Variants in TRIM6 observed in about 807,000 individuals in gnomAD.
TRIM6 encodes the protein tripartite motif containing 6.
Under a neutral mutation model 51.2 loss-of-function variants are expected in TRIM6, and 43 were observed. The ratio of observed to expected loss-of-function variants is 0.84; its 90% CI spans 0.66 to 1.08. The LOEUF (loss-of-function observed/expected upper bound fraction) is 1.08. TRIM6 is among the 50% of genes least tolerant of loss of function. The pLI is 0.00. For synonymous variants in TRIM6, 215 were observed against 232.4 expected (o/e 0.93, Z 0.68); for missense variants, 669 against 619.0 (o/e 1.08, Z -0.86).
rs528234995 is a variant in TRIM6, at chr11:5,609,650, C to T, written c.858-495C>T. Among the ~76,000 whole-genome samples, 34 of 152,278 alleles carry T rather than the reference C, an allele frequency of 2.2e-4. No individual in the cohort carries two copies. The East Asian group carries it at 6.6e-3, about 29-fold the overall frequency. ...TAAGAAGTTAAATCTTGGACAGGCG[C>T]AGTGACTCACACCTGTAATCCCAGC... is the stretch of plus-strand genomic sequence containing the variant. On this transcript the variant is annotated intron_variant, in intron 5 of 7. Coordinates refer to ENST00000380097, the MANE Select transcript of TRIM6 (RefSeq NM_001003818.3).
At chr11:5,602,266 T>C (rs111575779) in intron 1 of TRIM6, among the ~76,000 whole-genome samples, 8,765 of 141,108 alleles carry the variant, frequency 0.062, 364 homozygotes, top group African/African-American at 0.12. Context: ...CAGTGAAACC[T>C]CATCTCTACT....
chr11:5,608,548 A>G (rs1848363319), intron 5 of TRIM6, among the ~76,000 whole-genome samples, 154 bp downstream of exon 5: 2 of 152,064 alleles, frequency 1.3e-5, no homozygotes, highest in African/African-American at 4.8e-5. Flanking sequence ...ATCCCCAAAT[A>G]AAGGGGATGA....
intron 4 of TRIM6, among the ~76,000 whole-genome samples, chr11:5,606,989 G>A (rs1264701919): frequency 2.6e-5 from 4 of 152,122 alleles, no homozygotes; most frequent in South Asian, 4.1e-4. Flanking sequence ...GGATCATGAG[G>A]TCAGGAGATT....
At chr11:5,604,881 A>T in intron 3 of TRIM6, 2 of 467,974 alleles carry the variant, frequency 4.3e-6, no homozygotes, top group South Asian at 6.4e-5. Flanking sequence ...CCAATTCATA[A>T]TTCTGGGTCT....
intron 4 of TRIM6, among the ~76,000 whole-genome samples, chr11:5,607,361 T>C (rs1848288021): frequency 6.6e-6 from 1 of 152,226 alleles, no homozygotes; most frequent in Non-Finnish European, 1.5e-5. Context: ...GGATATTTAC[T>C]GCAAATTGAC....
chr11:5,599,347 G>C (rs935827368), intron 1 of TRIM6, among the ~76,000 whole-genome samples: 32 of 151,352 alleles, frequency 2.1e-4, no homozygotes, highest in African/African-American at 7.3e-4. Context: ...ATTGGAATTG[G>C]ACTTTCAATT....
intron 4 of TRIM6, among the ~76,000 whole-genome samples, chr11:5,605,956 C>G (rs569153011): frequency 7.2e-5 from 11 of 152,178 alleles, no homozygotes; most frequent in Non-Finnish European, 1.3e-4. Flanking sequence ...CTGGCCTCTG[C>G]TCACTAGATG....
At position 5,611,254 on chromosome 11, in the gene TRIM6, C is replaced by G. The variant is rs1281159159; in HGVS notation, c.1463C>G (p.Ser488Cys). The stretch of plus-strand genomic sequence containing the variant: ...CATGGCTTCCCCATCTACACTTTCT[C>G]TAAATATTACTTTCCCACTACTCTT... The part of the protein sequence containing the change: ...TNHGFPIYTF[S>C]KYYFPTTLCP... Residue 488 changes from serine to cysteine, a missense_variant, in exon 8 of 8, where the codon TCT (serine) becomes TGT (cysteine). Coordinates refer to ENST00000380097, the MANE Select transcript of TRIM6 (RefSeq NM_001003818.3). The G allele has an allele frequency of 1.2e-6, 2 of 1,614,052 alleles. No homozygotes were observed. Among genetic ancestry groups the G allele is most frequent in the Admixed American group, 3.3e-5 (2 of 60,012 alleles).
At chr11:5,600,607 T>A (rs893404582) in intron 1 of TRIM6, among the ~76,000 whole-genome samples, 5 of 152,148 alleles carry the variant, frequency 3.3e-5, no homozygotes, top group African/African-American at 9.7e-5. Flanking sequence ...TGGGAGGCAG[T>A]TTGATATACT....
At chr11:5,600,550 T>C (rs1205033953) in intron 1 of TRIM6, among the ~76,000 whole-genome samples, 1 of 152,170 alleles carries the variant, frequency 6.6e-6, no homozygotes, top group East Asian at 1.9e-4. Context: ...CTTACCCTTA[T>C]CTGAGACACT....
At chr11:5,600,061 T>C (rs1470919396) in intron 1 of TRIM6, among the ~76,000 whole-genome samples, 1 of 152,172 alleles carries the variant, frequency 6.6e-6, no homozygotes, top group African/African-American at 2.4e-5. Flanking sequence ...TCTCAGATGA[T>C]AGGTAAATAC....
chr11:5,612,394 T>TAA lies in TRIM6; in HGVS notation c.*1053_*1054dup, dbSNP rs1361246614. The TAA allele has an allele frequency of 6.6e-6, 1 of 151,112 alleles. No individual in the cohort carries two copies. Among genetic ancestry groups the TAA allele is most frequent in the African/African-American group, 2.4e-5 (1 of 41,170 alleles). 9.4% of individuals were successfully genotyped at this position (151,112 alleles called of 1,614,324 possible). On this transcript the variant is annotated 3_prime_UTR_variant, in exon 8 of 8. Transcript: ENST00000380097. ...AACCTTTGGCCTTCCTCTCTACATT[T>TAA]AAGAGTAGCAATAGAACAATAAAAA...
At chr11:5,610,466 A>C (rs745941455) in intron 6 of TRIM6, 69 bp from the exon 7 acceptor site, 2 of 1,611,910 alleles carry the variant, frequency 1.2e-6, no homozygotes, top group Non-Finnish European at 1.7e-6. Context: ...TCAATGTAGT[A>C]AGGAGAGAGA....
In TRIM6 at chr11:5,605,481, G is replaced by A; in HGVS notation, c.748G>A (p.Asp250Asn). ...ACGAATTATAGAAGAGGCTGAGAAT[G>A]ATCTGGTCCACCAGACCCAGTCGCT... ...GLRIIEEAENDLVHQTQSLRE... is the reference protein window; with the variant it reads ...GLRIIEEAENNLVHQTQSLRE... The change falls in exon 4 of 8, where the codon GAT becomes AAT. Residue 250 changes from aspartate to asparagine, a missense_variant. Physicochemically the swap from Asp to Asn is conservative, Grantham distance 23. Transcript: ENST00000380097. The A allele has an allele frequency of 6.2e-7, 1 of 1,614,226 alleles. No homozygotes were observed. Among genetic ancestry groups the A allele is most frequent in the South Asian group, 1.1e-5 (1 of 91,090 alleles).
At chr11:5,602,379 C>T (rs1310966288) in intron 1 of TRIM6, among the ~76,000 whole-genome samples, 4 of 150,080 alleles carry the variant, frequency 2.7e-5, no homozygotes, top group African/African-American at 9.7e-5. Context: ...GGAGGCGGAG[C>T]TTGCAGTGAG....
At chr11:5,601,123 A>G (rs1847817624) in intron 1 of TRIM6, among the ~76,000 whole-genome samples, 1 of 152,180 alleles carries the variant, frequency 6.6e-6, no homozygotes, top group African/African-American at 2.4e-5. Flanking sequence ...GAAGTTTAAG[A>G]CAGGCCCTGG....
In TRIM6 at chr11:5,611,016, T is replaced by G. The variant is rs1403731519; in HGVS notation, c.1225T>G (p.Ser409Ala). 1 of 1,614,054 alleles carries G rather than the reference T, an allele frequency of 6.2e-7. No individual in the cohort carries two copies. The highest frequency in any genetic ancestry group is 1.7e-5 in the Admixed American group (1 of 60,000). The change falls in exon 8 of 8, where the codon TCT (serine) becomes GCT (alanine). Residue 409 changes from serine to alanine, a missense_variant. Ser to Ala is a moderately conservative substitution (Grantham distance 99). Transcript: ENST00000380097. ...CAGCAATTCACTGGGACCTACATTCTCTTTCAACCATTTTGCTCAAAATCA... is the reference window on the plus strand; with the variant it reads ...CAGCAATTCACTGGGACCTACATTCGCTTTCAACCATTTTGCTCAAAATCA... Reference protein sequence around the residue: ...VCSNSLGPTFSFNHFAQNHSA... With the variant: ...VCSNSLGPTFAFNHFAQNHSA...
At chr11:5,597,616 C>T (rs752172203) in intron 1 of TRIM6, among the ~76,000 whole-genome samples, 3 of 152,166 alleles carry the variant, frequency 2.0e-5, no homozygotes, top group Admixed American at 6.5e-5. Context: ...CTATTTTATT[C>T]CACTTTCACT....
chr11:5,610,786 C>T lies in TRIM6; in HGVS notation c.995C>T (p.Thr332Ile), dbSNP rs747094445. The change falls in exon 8 of 8, where the codon ACC becomes ATC. Residue 332 changes from threonine to isoleucine, a missense_variant. Thr to Ile is a moderately conservative substitution (Grantham distance 89). Coordinates refer to ENST00000380097, the MANE Select transcript of TRIM6 (RefSeq NM_001003818.3). ...GTACCTTTTCCTACAGTTGACGTGA[C>T]CCTGAATCCACACACAGCTAATTTA... ...TDVQSYWVDV[T>I]LNPHTANLNL... 6 of 1,614,028 alleles carry T rather than the reference C, an allele frequency of 3.7e-6. No individual in the cohort carries two copies. In the South Asian group the frequency reaches 6.6e-5, roughly 18 times the overall value.
Sources: gnomAD v4.1 joint callset for allele counts (sites outside exome capture counted in the v4.1 genomes callset) on GRCh38, gnomAD v4.1.1 for gene constraint, MANE v1.5 for transcripts, NCBI Gene and HGNC (gene_info 2026-07-23, HGNC 2026-07-21) for gene names.